SH3BGR: variants seen among roughly 807,000 people sequenced by gnomAD.
SH3BGR encodes SH3 domain binding glutamate rich protein.
A neutral mutation model predicts 24.5 loss-of-function variants in SH3BGR; 29 were observed. The ratio of observed to expected loss-of-function variants is 1.18; its 90% CI spans 0.88 to 1.61. The LOEUF (loss-of-function observed/expected upper bound fraction) is 1.61, where lower values mean the gene tolerates loss of function less well. SH3BGR is among the 40% of genes most tolerant of loss of function. SH3BGR has a pLI of 0.00. For missense variants in SH3BGR, 162 were observed against 205.8 expected (o/e 0.79, Z 1.30); for synonymous variants, 55 against 65.7 (o/e 0.84, Z 0.79).
chr21:39,500,001 A>G (rs2078466997), intron 4 of SH3BGR, 86 bp downstream of exon 4: 2 of 958,160 alleles, frequency 2.1e-6, no homozygotes, highest in Non-Finnish European at 3.3e-6. Context: ...GACTCTGGGC[A>G]CAAGCAGTCA....
At chr21:39,506,665 T>C (rs112782063) in intron 4 of SH3BGR, among the ~76,000 whole-genome samples, 11,714 of 152,114 alleles carry the variant, frequency 0.077, 599 homozygotes, top group African/African-American at 0.14. Context: ...ACAAGAACAG[T>C]ATGGGGGAAC....
chr21:39,487,052 G>T (rs2076566771), intron 3 of SH3BGR, among the ~76,000 whole-genome samples: 1 of 152,162 alleles, frequency 6.6e-6, no homozygotes. Flanking sequence ...TTAGTCAGGG[G>T]AATATTATTA....
rs184798825 is a variant in SH3BGR at position 39,512,998 on chromosome 21, G to T, written c.*34+1189G>T. ...ATGGTTTTGCTCTGGAGCTATAAGC[G>T]TTTTTTAAAAAATTTAAAAAAGTTT... On this transcript the variant is annotated intron_variant, in intron 6 of 6. Coordinates refer to ENST00000333634, the MANE Select transcript of SH3BGR (RefSeq NM_007341.3). Among the ~76,000 whole-genome samples the T allele has an allele frequency of 5.1e-3, 780 of 152,144 alleles. 2 individuals are homozygous for T. The highest frequency in any genetic ancestry group is 8.3e-3 in the Non-Finnish European group (565 of 68,006).
rs763586603 is a variant in SH3BGR at position 39,462,367 on chromosome 21, T to C, written c.46-8T>C. ...TAAACAGCCTAATATTTCTCTACTC[T>C]TGACCAGATTAGGAAGAAACAGCAA... On this transcript the variant is annotated splice_region_variant and splice_polypyrimidine_tract_variant and intron_variant, in intron 1 of 6. Coordinates refer to ENST00000333634, the MANE Select transcript of SH3BGR (RefSeq NM_007341.3). 12 of 1,592,500 alleles carry C rather than the reference T, an allele frequency of 7.5e-6. No homozygotes were observed. The highest frequency in any genetic ancestry group is 1.0e-5 in the Non-Finnish European group (12 of 1,174,290).
At chr21:39,512,687 G>A (rs891710800) in intron 6 of SH3BGR, among the ~76,000 whole-genome samples, 2 of 152,112 alleles carry the variant, frequency 1.3e-5, no homozygotes, top group African/African-American at 4.8e-5. Context: ...AGCTACTTGG[G>A]AGGCTGAAGC....
intron 4 of SH3BGR, among the ~76,000 whole-genome samples, chr21:39,507,672 G>A (rs2078606758): frequency 6.6e-6 from 1 of 150,782 alleles, no homozygotes; most frequent in Non-Finnish European, 1.5e-5. Flanking sequence ...TATAGACAAG[G>A]TCTTATTTTG....
chr21:39,493,749 A>G (rs1425355361), intron 3 of SH3BGR, among the ~76,000 whole-genome samples: 1 of 152,212 alleles, frequency 6.6e-6, no homozygotes, highest in African/African-American at 2.4e-5. Context: ...ATTCATGAGC[A>G]TGGGATGTAT....
At position 39,501,541 on chromosome 21, in the gene SH3BGR, A is replaced by G. The variant is rs182045584; in HGVS notation, c.405+1626A>G. On this transcript the variant is annotated intron_variant, in intron 4 of 6. Transcript: ENST00000333634. ...TAAGTGAAAAATATTTTTATTTTAT[A>G]TGAATATATTACTAACATCATATTA... Among the ~76,000 whole-genome samples the G allele has an allele frequency of 2.0e-5, 3 of 152,364 alleles. No individual in the cohort carries two copies. In the East Asian group the frequency reaches 5.8e-4, roughly 29 times the overall value.
At chr21:39,499,764 G>GTTTTTTTTTTTTTT in intron 3 of SH3BGR, 59 bp from the exon 4 acceptor site, 1 of 1,041,766 alleles carries the variant, frequency 9.6e-7, no homozygotes, top group Non-Finnish European at 1.4e-6. Context: ...TATGTGGCCT[G>GTTTTTTTTTTTTTT]TTTTTTTTTT....
At chr21:39,483,163 A>G (rs763348481) in intron 3 of SH3BGR, among the ~76,000 whole-genome samples, 2 of 152,224 alleles carry the variant, frequency 1.3e-5, no homozygotes, top group Non-Finnish European at 2.9e-5. Context: ...CAAAGTTACT[A>G]TGTCTAAAGC....
intron 4 of SH3BGR, among the ~76,000 whole-genome samples, chr21:39,501,843 T>C (rs916929407): frequency 1.1e-4 from 17 of 152,246 alleles, no homozygotes; most frequent in Non-Finnish European, 2.1e-4. Flanking sequence ...TTCAAGAACC[T>C]ACTGGCTTGT....
At position 39,498,775 on chromosome 21, in the gene SH3BGR, T is replaced by C. The variant is rs371067237; in HGVS notation, c.313-1048T>C. The stretch of plus-strand genomic sequence containing the variant: ...CTCTCTCTCTCTCTATCCATCCACC[T>C]GTCCATCTATCATCTATCTATTATC... On this transcript the variant is annotated intron_variant, in intron 3 of 6. Transcript: ENST00000333634. Among the ~76,000 whole-genome samples, 286 of 152,318 alleles carry C rather than the reference T, an allele frequency of 1.9e-3. 2 individuals carry two copies. The highest frequency in any genetic ancestry group is 6.5e-3 in the African/African-American group (272 of 41,560).
Position 39,511,045 on chromosome 21 carries a change from A to G in SH3BGR, c.436-635A>G, listed in dbSNP as rs2078683507. Among the ~76,000 whole-genome samples the G allele has an allele frequency of 6.6e-6, 1 of 150,970 alleles. No homozygotes were observed. The highest frequency in any genetic ancestry group is 2.1e-4 in the South Asian group (1 of 4,778). ...GATTATAAAACCTGTTAGGATTAAC[A>G]TATCATTCTAAAGCACCATTCTAAA... On this transcript the variant is annotated intron_variant, in intron 5 of 6. Transcript: ENST00000333634. This position sits in a 1 kb window ranked among gnomAD's most constrained non-coding sequence, Gnocchi z 4.2.
chr21:39,509,915 A>G (rs1188776808), intron 5 of SH3BGR, among the ~76,000 whole-genome samples: 2 of 152,172 alleles, frequency 1.3e-5, no homozygotes, highest in Non-Finnish European at 2.9e-5. Flanking sequence ...CCAAATGTCA[A>G]AAGAAATCCC....
intron 3 of SH3BGR, among the ~76,000 whole-genome samples, chr21:39,479,793 G>A (rs1295452740): frequency 1.3e-5 from 2 of 152,092 alleles, no homozygotes; most frequent in African/African-American, 2.4e-5. Context: ...AAGCAATTAG[G>A]TTTCAGATTT....
intron 3 of SH3BGR, among the ~76,000 whole-genome samples, chr21:39,483,192 G>GA (rs1276839983): frequency 1.3e-5 from 2 of 152,178 alleles, no homozygotes; most frequent in African/African-American, 4.8e-5. Flanking sequence ...GTTTTACAGG[G>GA]AAAAAAACAG....
intron 3 of SH3BGR, chr21:39,491,557 G>T: frequency 3.6e-6 from 1 of 278,468 alleles, no homozygotes; most frequent in Non-Finnish European, 7.0e-6. Flanking sequence ...CATGGGCTTT[G>T]GTGGGGGTCG....
chr21:39,512,867 T>TC (rs1164425084), intron 6 of SH3BGR, among the ~76,000 whole-genome samples: 1 of 152,204 alleles, frequency 6.6e-6, no homozygotes, highest in African/African-American at 2.4e-5. Flanking sequence ...ATCTGTTTTT[T>TC]CCTGATATTT....
intron 3 of SH3BGR, among the ~76,000 whole-genome samples, chr21:39,479,226 G>GTGGTGGTGGTGGTGGTGA (rs1569160778): frequency 6.7e-5 from 9 of 134,564 alleles, no homozygotes; most frequent in African/African-American, 2.1e-4. Context: ...GGTGGTAAGG[G>GTGGTGGTGGTGGTGGTGA]TGGTGGTGGT....
Sources: allele counts gnomAD v4.1 joint callset (sites outside exome capture counted in the v4.1 genomes callset), GRCh38; gene constraint gnomAD v4.1.1; non-coding constraint Gnocchi (gnomAD v3.1); transcripts MANE v1.5; gene names NCBI Gene and HGNC (gene_info 2026-07-23, HGNC 2026-07-21).